The following QTMAN variants were observed in gnomAD, a reference collection of about 807,000 sequenced individuals.
The protein encoded by QTMAN is queuosine-tRNA mannosyltransferase, also known as tRNA-queuosine alpha-mannosyltransferase.
the QTMAN span, among the ~76,000 whole-genome samples, chr2:143,993,405 A>C: frequency 8.3e-5 from 12 of 144,142 alleles, no homozygotes; most frequent in Non-Finnish European, 1.7e-4. Context: ...CATGGCAAGC[A>C]AAAAAAAAAA....
chr2:144,288,442 T>C, the QTMAN span, among the ~76,000 whole-genome samples: 7 of 152,300 alleles, frequency 4.6e-5, no homozygotes, highest in East Asian at 1.9e-4. Context: ...ATAAACACTA[T>C]GGAATCTAAT....
the QTMAN span, among the ~76,000 whole-genome samples, chr2:144,173,579 G>A: frequency 6.6e-6 from 1 of 152,296 alleles, no homozygotes; most frequent in East Asian, 1.9e-4. Flanking sequence ...CTGACCCTCA[G>A]TTAAGACCAC....
chr2:144,177,062 G>C, the QTMAN span: 1 of 654,024 alleles, frequency 1.5e-6, no homozygotes, highest in Non-Finnish European at 2.7e-6. Context: ...GATTTCATAA[G>C]AATTCTATCA....
chr2:144,183,759 C>T, the QTMAN span, among the ~76,000 whole-genome samples: 15 of 152,244 alleles, frequency 9.9e-5, no homozygotes, highest in African/African-American at 2.9e-4. Context: ...CCTGCATGTG[C>T]GGACATCTTG....
chr2:144,240,902 A>G, the QTMAN span, among the ~76,000 whole-genome samples: 10 of 152,190 alleles, frequency 6.6e-5, no homozygotes, highest in African/African-American at 1.4e-4. Flanking sequence ...AAAAAACTGC[A>G]AAGAGCCTCA....
the QTMAN span, among the ~76,000 whole-genome samples, chr2:143,976,289 G>C: frequency 1.5e-4 from 23 of 151,734 alleles, no homozygotes; most frequent in Middle Eastern, 3.4e-3. Flanking sequence ...TTAGTTTCTT[G>C]TTACTTGGGG....
chr2:144,060,293 C>T, the QTMAN span, among the ~76,000 whole-genome samples: 5 of 151,528 alleles, frequency 3.3e-5, no homozygotes, highest in Non-Finnish European at 5.9e-5. Context: ...CCGAGTTTTG[C>T]TCTTTCGCCC....
the QTMAN span, among the ~76,000 whole-genome samples, chr2:144,164,025 C>T: frequency 1.1e-4 from 17 of 152,106 alleles, no homozygotes; most frequent in African/African-American, 3.4e-4. Flanking sequence ...TGAGTTCAAG[C>T]GATTCTCCTG....
the QTMAN span, among the ~76,000 whole-genome samples, chr2:144,043,110 G>A: frequency 1.3e-5 from 2 of 151,842 alleles, no homozygotes; most frequent in Non-Finnish European, 2.9e-5. Context: ...TTTTTTCCCC[G>A]CAATGGGAAA....
the QTMAN span, among the ~76,000 whole-genome samples, chr2:144,158,017 C>T: frequency 6.6e-6 from 1 of 151,912 alleles, no homozygotes; most frequent in African/African-American, 2.4e-5. Context: ...ACATATACTG[C>T]TATTATTATT....
At chr2:144,238,399 T>C in the QTMAN span, among the ~76,000 whole-genome samples, 1 of 152,208 alleles carries the variant, frequency 6.6e-6, no homozygotes. Flanking sequence ...GGGGTGTTTC[T>C]CATGGCTTGT....
the QTMAN span, among the ~76,000 whole-genome samples, chr2:144,203,936 T>C: frequency 6.6e-6 from 1 of 152,074 alleles, no homozygotes; most frequent in East Asian, 1.9e-4. Flanking sequence ...GAAAACTGGC[T>C]AGCCATATGT....
At chr2:144,195,659 T>C in the QTMAN span, among the ~76,000 whole-genome samples, 2 of 152,156 alleles carry the variant, frequency 1.3e-5, no homozygotes, top group African/African-American at 2.4e-5. Context: ...TTTTCCTTTT[T>C]CTACTCCTAG....
the QTMAN span, among the ~76,000 whole-genome samples, chr2:144,232,959 T>C: frequency 6.6e-6 from 1 of 152,180 alleles, no homozygotes; most frequent in Non-Finnish European, 1.5e-5. Flanking sequence ...GCATTTTTTA[T>C]TTCAAAGGAA....
At chr2:144,290,490 G>C in the QTMAN span, among the ~76,000 whole-genome samples, 109 of 152,268 alleles carry the variant, frequency 7.2e-4, no homozygotes, top group African/African-American at 2.5e-3. Context: ...CAAAGACCAA[G>C]ATAATCCTTT....
the QTMAN span, among the ~76,000 whole-genome samples, chr2:143,993,482 T>C: frequency 4.0e-5 from 6 of 151,470 alleles, no homozygotes; most frequent in Non-Finnish European, 8.8e-5. Flanking sequence ...AACATCTGGG[T>C]GGGCCCTCAA....
the QTMAN span, among the ~76,000 whole-genome samples, chr2:144,088,297 AAC>A: frequency 6.6e-6 from 1 of 152,074 alleles, no homozygotes; most frequent in Non-Finnish European, 1.5e-5. Flanking sequence ...ATAACTACAA[AAC>A]ACTGATAAAA....
At chr2:144,314,056 G>A in the QTMAN span, among the ~76,000 whole-genome samples, 1 of 151,922 alleles carries the variant, frequency 6.6e-6, no homozygotes, top group Non-Finnish European at 1.5e-5. Flanking sequence ...ATTTAACACA[G>A]AGAAAATGGA....
the QTMAN span, among the ~76,000 whole-genome samples, chr2:144,107,869 AACCGAATCCAGC>A: frequency 6.6e-6 from 1 of 152,210 alleles, no homozygotes; most frequent in Admixed American, 6.5e-5. Context: ...AATACTGGCA[AACCGAATCCAGC>A]AGCACATCAA....
Sources: gnomAD v4.1 joint callset for allele counts (sites outside exome capture counted in the v4.1 genomes callset) on GRCh38, gnomAD v4.1.1 for gene constraint, MANE v1.5 for transcripts, NCBI Gene and HGNC (gene_info 2026-07-23, HGNC 2026-07-21) for gene names.